The following HMGCLL1 variants were observed in gnomAD, a reference collection of about 807,000 sequenced individuals.
HMGCLL1 encodes the protein 3-hydroxy-3-methylglutaryl-CoA lyase like 1, also known as 3-hydroxymethyl-3-methylglutaryl-CoA lyase, cytoplasmic.
A neutral mutation model predicts 39.1 loss-of-function variants in HMGCLL1; 36 were observed. The ratio of observed to expected loss-of-function variants is 0.92; its 90% CI spans 0.71 to 1.22. The LOEUF is 1.22. HMGCLL1 is among the 50% of genes most tolerant of loss of function. HMGCLL1 has a pLI of 0.00. For missense variants in HMGCLL1, 451 were observed against 416.5 expected (o/e 1.08, Z -0.72); for synonymous variants, 149 against 144.0 (o/e 1.03, Z -0.25).
chr6:55,532,507 G>T (rs9382502), intron 3 of HMGCLL1, among the ~76,000 whole-genome samples: 23,947 of 151,894 alleles, frequency 0.16, 2,401 homozygotes, highest in Admixed American at 0.25. Context: ...AGTCCAAAGA[G>T]AAAAAATAAT....
At chr6:55,659,670 A>T in the HMGCLL1 span, among the ~76,000 whole-genome samples, 1 of 151,808 alleles carries the variant, frequency 6.6e-6, no homozygotes, top group African/African-American at 2.4e-5. Flanking sequence ...TAAAATTCTC[A>T]TGTTTTTTGA....
chr6:55,637,712 A>ATG, the HMGCLL1 span, among the ~76,000 whole-genome samples: 11 of 44,574 alleles, frequency 2.5e-4, no homozygotes, highest in South Asian at 2.1e-3. Context: ...CTATAATTTG[A>ATG]TATGTGTGTG....
At chr6:55,674,886 T>A in the HMGCLL1 span, among the ~76,000 whole-genome samples, 2 of 152,080 alleles carry the variant, frequency 1.3e-5, no homozygotes, top group African/African-American at 4.8e-5. Context: ...GAAATTTAAA[T>A]TAGACATCTG....
intron 6 of HMGCLL1, among the ~76,000 whole-genome samples, chr6:55,497,322 T>TA (rs148604505): frequency 2.2e-3 from 330 of 148,792 alleles, no homozygotes; most frequent in African/African-American, 7.3e-3. Flanking sequence ...ACTCTGTTCT[T>TA]AAAAAAAAAA....
At chr6:55,675,437 A>G in the HMGCLL1 span, among the ~76,000 whole-genome samples, 3 of 152,130 alleles carry the variant, frequency 2.0e-5, no homozygotes, top group Non-Finnish European at 4.4e-5. Context: ...TAACAATAAA[A>G]TGTTTTCCAT....
chr6:55,539,354 A>T (rs1352101417), intron 3 of HMGCLL1, among the ~76,000 whole-genome samples: 8 of 152,194 alleles, frequency 5.3e-5, no homozygotes, highest in Non-Finnish European at 1.2e-4. Flanking sequence ...TAACCAAAGG[A>T]ATATAAATAA....
chr6:55,611,086 A>G, the HMGCLL1 span, among the ~76,000 whole-genome samples: 1 of 152,204 alleles, frequency 6.6e-6, no homozygotes. Flanking sequence ...TGATCAAACT[A>G]AAACTCAAGA....
chr6:55,576,555 T>G, intron 1 of HMGCLL1, among the ~76,000 whole-genome samples: 1 of 152,208 alleles, frequency 6.6e-6, no homozygotes, highest in African/African-American at 2.4e-5. Context: ...ACTTTCCAAT[T>G]AGCTATATAG....
intron 3 of HMGCLL1, among the ~76,000 whole-genome samples, chr6:55,519,432 G>A (rs1767919264): frequency 6.6e-6 from 1 of 152,050 alleles, no homozygotes; most frequent in Non-Finnish European, 1.5e-5. Context: ...TTTGTAAATA[G>A]TTTGTACATA....
chr6:55,594,417 T>C, the HMGCLL1 span, among the ~76,000 whole-genome samples: 1 of 152,306 alleles, frequency 6.6e-6, no homozygotes, highest in East Asian at 1.9e-4. Flanking sequence ...AGTAATTGCA[T>C]TAAAATGAGC....
intron 1 of HMGCLL1, among the ~76,000 whole-genome samples, chr6:55,571,080 G>C (rs906295242): frequency 7.2e-5 from 11 of 152,174 alleles, no homozygotes; most frequent in Non-Finnish European, 1.2e-4. Context: ...CACAACGTGT[G>C]GAAATTATGG....
intron 7 of HMGCLL1, among the ~76,000 whole-genome samples, chr6:55,483,976 G>A (rs1275842068): frequency 2.6e-5 from 4 of 152,094 alleles, no homozygotes; most frequent in Non-Finnish European, 5.9e-5. Flanking sequence ...GAAAGAATGG[G>A]TTAGGTAATA....
At chr6:55,621,574 T>G in the HMGCLL1 span, among the ~76,000 whole-genome samples, 3 of 151,694 alleles carry the variant, frequency 2.0e-5, no homozygotes, top group Non-Finnish European at 4.4e-5. Flanking sequence ...CTCTAATGCC[T>G]GATGATCTGT....
At chr6:55,583,475 T>C (rs1465123162), upstream of HMGCLL1, among the ~76,000 whole-genome samples, 2 of 152,160 alleles carry the variant, frequency 1.3e-5, no homozygotes, top group Non-Finnish European at 2.9e-5. Flanking sequence ...GATAGTTTAC[T>C]GAGAATGATG....
chr6:55,562,301 A>G (rs1463175885), intron 1 of HMGCLL1, among the ~76,000 whole-genome samples: 1 of 152,190 alleles, frequency 6.6e-6, no homozygotes, highest in East Asian at 1.9e-4. Flanking sequence ...GTGTTGGGAT[A>G]ATTTAGTTGA....
the HMGCLL1 span, among the ~76,000 whole-genome samples, chr6:55,606,883 A>C: frequency 2.0e-5 from 3 of 152,150 alleles, no homozygotes; most frequent in African/African-American, 7.2e-5. Context: ...GAAAAAAATA[A>C]GGAGATATCA....
intron 7 of HMGCLL1, among the ~76,000 whole-genome samples, chr6:55,465,030 T>A (rs542767384): frequency 4.5e-4 from 68 of 152,314 alleles, no homozygotes; most frequent in Non-Finnish European, 7.8e-4. Flanking sequence ...AATTCATTCA[T>A]CTGTGAACAT....
chr6:55,610,002 A>G, the HMGCLL1 span, among the ~76,000 whole-genome samples: 1 of 152,226 alleles, frequency 6.6e-6, no homozygotes, highest in Non-Finnish European at 1.5e-5. Flanking sequence ...AACCAAAAAA[A>G]GTCTTCACAA....
the HMGCLL1 span, among the ~76,000 whole-genome samples, chr6:55,670,111 G>A: frequency 6.6e-6 from 1 of 151,638 alleles, no homozygotes; most frequent in Non-Finnish European, 1.5e-5. Context: ...CACTCAAAAA[G>A]ACACATGACC....
Sources: allele counts gnomAD v4.1 joint callset (sites outside exome capture counted in the v4.1 genomes callset), GRCh38; gene constraint gnomAD v4.1.1; transcripts MANE v1.5; gene names NCBI Gene and HGNC (gene_info 2026-07-23, HGNC 2026-07-21).